The following GFRA2 variants were observed in gnomAD, a reference collection of about 807,000 sequenced individuals.
GFRA2 encodes GDNF family receptor alpha 2.
A neutral mutation model predicts 48.3 loss-of-function variants in GFRA2; 17 were observed. That is an observed-to-expected ratio of 0.35 (90% CI 0.24 to 0.53). GFRA2 has a LOEUF of 0.53. Ranked by LOEUF, GFRA2 falls within the 20% of genes least tolerant of loss-of-function variation. The pLI is 0.93. For synonymous variants in GFRA2, 305 were observed against 257.2 expected (o/e 1.19, Z -1.78); for missense variants, 660 against 637.3 (o/e 1.04, Z -0.38).
At chr8:21,727,469 C>T (rs1803928511) in intron 4 of GFRA2, among the ~76,000 whole-genome samples, 1 of 152,228 alleles carries the variant, frequency 6.6e-6, no homozygotes, top group South Asian at 2.1e-4. Flanking sequence ...TCCAAGCGCT[C>T]TGCCAGGGCA....
At chr8:21,783,280 G>C (rs1260928365) in intron 1 of GFRA2, 2 of 398,208 alleles carry the variant, frequency 5.0e-6, no homozygotes, top group African/African-American at 4.1e-5. Context: ...GCAGGGAGTG[G>C]GGAACATCTC....
chr8:21,751,589 G>A (rs551297219), intron 3 of GFRA2, among the ~76,000 whole-genome samples: 53 of 152,314 alleles, frequency 3.5e-4, no homozygotes, highest in South Asian at 8.3e-4. Context: ...AGAACCGTTG[G>A]TCTAAGCTCC....
chr8:21,759,562 GAAATTTA>G (rs1805795224), intron 3 of GFRA2, among the ~76,000 whole-genome samples: 2 of 149,364 alleles, frequency 1.3e-5, no homozygotes, highest in African/African-American at 4.9e-5. Flanking sequence ...AGGAAGGAAA[GAAATTTA>G]AAGAAAGGAA....
At chr8:21,695,162 G>A (rs1241863588) in intron 7 of GFRA2, among the ~76,000 whole-genome samples, 1 of 152,212 alleles carries the variant, frequency 6.6e-6, no homozygotes, top group Non-Finnish European at 1.5e-5. Flanking sequence ...GCAAGGTGAG[G>A]GACGAGAAGG....
intron 4 of GFRA2, among the ~76,000 whole-genome samples, chr8:21,725,787 G>A (rs1803838717): frequency 6.6e-6 from 1 of 152,210 alleles, no homozygotes. Context: ...TGCAGTGCAA[G>A]CCCAAGGCCC....
At chr8:21,741,827 C>A (rs1459791551) in intron 4 of GFRA2, among the ~76,000 whole-genome samples, 4 of 151,122 alleles carry the variant, frequency 2.6e-5, no homozygotes, top group Non-Finnish European at 5.9e-5. Context: ...GAGGCTGAGG[C>A]AGGAGAATCG....
Position 21,788,359 on chromosome 8 carries a change from G to A in GFRA2, c.-200C>T. On this transcript the variant is annotated 5_prime_UTR_variant, in exon 1 of 9. Coordinates refer to ENST00000524240, the MANE Select transcript of GFRA2 (RefSeq NM_001495.5). The stretch of plus-strand genomic sequence containing the variant: ...GGAGGGGGTGGGGTGAGAGGCGGGC[G>A]ATGGGCTGCTGCCTCTCGACGCCCC... 1 of 1,349,792 alleles carries A rather than the reference G, an allele frequency of 7.4e-7. No homozygotes were observed. Among genetic ancestry groups the A allele is most frequent in the Non-Finnish European group, 9.5e-7 (1 of 1,056,114 alleles). 83.6% of individuals were successfully genotyped at this position (1,349,792 alleles called of 1,614,324 possible). A position where few individuals can be genotyped will look rare whatever the true frequency, so the allele number is the denominator to read the frequency against.
intron 4 of GFRA2, among the ~76,000 whole-genome samples, chr8:21,742,388 A>C (rs900203435): frequency 1.3e-5 from 2 of 152,186 alleles, no homozygotes; most frequent in Admixed American, 1.3e-4. Context: ...CGAGGACGTA[A>C]CCAGGAAAAA....
chr8:21,765,707 A>G (rs1040687165), intron 3 of GFRA2, among the ~76,000 whole-genome samples: 2 of 152,076 alleles, frequency 1.3e-5, no homozygotes, highest in Non-Finnish European at 2.9e-5. Flanking sequence ...GGGAGATCTA[A>G]TTGGCAACTC....
intron 4 of GFRA2, among the ~76,000 whole-genome samples, chr8:21,733,093 G>T (rs1212034316): frequency 2.0e-5 from 3 of 152,198 alleles, no homozygotes; most frequent in African/African-American, 4.8e-5. Flanking sequence ...GCTGCCGGCT[G>T]CCAGGCTGTT....
intron 1 of GFRA2, among the ~76,000 whole-genome samples, chr8:21,787,877 G>T (rs1197347559): frequency 2.6e-5 from 4 of 152,126 alleles, no homozygotes; most frequent in Non-Finnish European, 5.9e-5. Context: ...CAGTGTCTGC[G>T]GGGCTGGTTC....
intron 2 of GFRA2, 143 bp downstream of exon 2, chr8:21,782,442 C>T: frequency 4.5e-6 from 3 of 660,264 alleles, no homozygotes; most frequent in Non-Finnish European, 5.2e-6. Context: ...TCTCTGGGTT[C>T]TAGGTTCCCC....
At chr8:21,700,747 G>A (rs1007691291) in intron 7 of GFRA2, among the ~76,000 whole-genome samples, 1 of 152,136 alleles carries the variant, frequency 6.6e-6, no homozygotes, top group Non-Finnish European at 1.5e-5. Context: ...AAGAAGGAAG[G>A]ACAGAGGAGG....
chr8:21,730,317 C>T, intron 4 of GFRA2, among the ~76,000 whole-genome samples: 1 of 152,000 alleles, frequency 6.6e-6, no homozygotes. Context: ...GCAGGAGAAT[C>T]ATTTGAACCC....
intron 1 of GFRA2, among the ~76,000 whole-genome samples, chr8:21,810,444 C>A (rs533076550): frequency 6.6e-6 from 1 of 152,308 alleles, no homozygotes; most frequent in African/African-American, 2.4e-5. Flanking sequence ...GCTTTTGCTG[C>A]CAATAGAGAT....
At chr8:21,696,888 G>C (rs1802202828) in intron 7 of GFRA2, among the ~76,000 whole-genome samples, 1 of 147,448 alleles carries the variant, frequency 6.8e-6, no homozygotes, top group Non-Finnish European at 1.5e-5. Flanking sequence ...AGGAAGAGGG[G>C]GAGGGGACAG....
chr8:21,735,793 A>G (rs1044579360), intron 4 of GFRA2, among the ~76,000 whole-genome samples: 4 of 151,792 alleles, frequency 2.6e-5, no homozygotes, highest in Non-Finnish European at 5.9e-5. Flanking sequence ...CAGCTTCCTG[A>G]GTAGCCGGGA....
chr8:21,719,825 G>T (rs1304465103), intron 4 of GFRA2, among the ~76,000 whole-genome samples: 1 of 151,878 alleles, frequency 6.6e-6, no homozygotes, highest in Non-Finnish European at 1.5e-5. Flanking sequence ...ACTCCCTTGA[G>T]AAGGGGGTGG....
At chr8:21,780,435 T>C (rs1485052049) in intron 2 of GFRA2, among the ~76,000 whole-genome samples, 1 of 151,978 alleles carries the variant, frequency 6.6e-6, no homozygotes, top group Non-Finnish European at 1.5e-5. Flanking sequence ...CCTTCTCAGC[T>C]CCCTGCAGGC....
Sources: gnomAD v4.1 joint callset for allele counts (sites outside exome capture counted in the v4.1 genomes callset) on GRCh38, gnomAD v4.1.1 for gene constraint, MANE v1.5 for transcripts, NCBI Gene and HGNC (gene_info 2026-07-23, HGNC 2026-07-21) for gene names.